SV2B: variants seen among roughly 807,000 people sequenced by gnomAD.
SV2B encodes solute carrier family 22 member B2.
Under a neutral mutation model 73.9 loss-of-function variants are expected in SV2B, and 41 were observed. The ratio of observed to expected loss-of-function variants is 0.56; its 90% CI spans 0.43 to 0.72. The LOEUF is 0.72. SV2B is among the 30% of genes least tolerant of loss of function. SV2B has a pLI of 0.00. For synonymous variants in SV2B, 314 were observed against 314.2 expected (o/e 1.00, Z 0.01); for missense variants, 764 against 857.8 (o/e 0.89, Z 1.37).
chr15:91,117,396 G>C (rs1040783044), intron 1 of SV2B, among the ~76,000 whole-genome samples: 2 of 152,260 alleles, frequency 1.3e-5, no homozygotes, highest in Middle Eastern at 3.2e-3. Flanking sequence ...AGCTGCTACT[G>C]TATAGCAATA....
chr15:91,172,900 G>A (rs2157908), intron 1 of SV2B, among the ~76,000 whole-genome samples: 26,058 of 151,958 alleles, frequency 0.17, 2,707 homozygotes, highest in Non-Finnish European at 0.24. Flanking sequence ...CAAGTACACC[G>A]AGATGAGTAA....
intron 1 of SV2B, among the ~76,000 whole-genome samples, chr15:91,113,719 A>G (rs1409027101): frequency 6.6e-6 from 1 of 152,220 alleles, no homozygotes; most frequent in Non-Finnish European, 1.5e-5. Context: ...GGAATATATT[A>G]TAGAATCCCA....
chr15:91,142,811 A>G (rs7170234), intron 1 of SV2B, among the ~76,000 whole-genome samples: 48,882 of 152,210 alleles, frequency 0.32, 8,450 homozygotes, highest in Non-Finnish European at 0.38. Context: ...TCTACCATAG[A>G]GGACAGTAGG....
rs977171753 is a variant in SV2B, at chr15:91,258,022, A to G, written c.785-399A>G. On this transcript the variant is annotated intron_variant, in intron 4 of 12. Transcript: ENST00000394232. The surrounding 1 kb of genome is among the most constrained non-coding windows in gnomAD (Gnocchi z 4.7). ...GCTTGTTGCTTGTCAAGGCAGGCAA[A>G]TAGAATATGTTTCCTTTAACAATCT... 1.4e-4 allele frequency among the ~76,000 whole-genome samples: 22 copies of G among 152,208 alleles called. No homozygotes were observed. The highest frequency in any genetic ancestry group is 5.3e-4 in the African/African-American group (22 of 41,450).
At chr15:91,285,565 C>A (rs961737925) in intron 11 of SV2B, among the ~76,000 whole-genome samples, 3 of 152,220 alleles carry the variant, frequency 2.0e-5, no homozygotes, top group Non-Finnish European at 4.4e-5. Context: ...CAGGTGGCTC[C>A]GTCTCTGCCA....
rs2047868034 is a variant in SV2B, at chr15:91,260,418, G to A, written c.1008+9G>A. ...CAGAGAAAGTGTTCACGGTGAGTGT[G>A]GGGTTGCCTGCCAATAAGAAGGGGG... On this transcript the variant is annotated intron_variant, in intron 6 of 12. Coordinates refer to ENST00000394232, the MANE Select transcript of SV2B (RefSeq NM_001323032.3). 1 of 1,593,164 alleles carries A rather than the reference G, an allele frequency of 6.3e-7. No homozygotes were observed. Among genetic ancestry groups the A allele is most frequent in the Non-Finnish European group, 8.5e-7 (1 of 1,172,840 alleles).
At chr15:91,179,490 G>A (rs1165770243) in intron 1 of SV2B, among the ~76,000 whole-genome samples, 1 of 152,020 alleles carries the variant, frequency 6.6e-6, no homozygotes, top group Non-Finnish European at 1.5e-5. Flanking sequence ...GTTGACAGTG[G>A]GCTGTTAAAG....
intron 1 of SV2B, among the ~76,000 whole-genome samples, chr15:91,166,818 CTTTT>C (rs758428764): frequency 7.2e-6 from 1 of 139,146 alleles, no homozygotes. Context: ...GTTTTCTTTT[CTTTT>C]TTTTTTTTTG....
chr15:91,155,321 A>T (rs981349336), intron 1 of SV2B, among the ~76,000 whole-genome samples: 13 of 152,210 alleles, frequency 8.5e-5, no homozygotes, highest in African/African-American at 2.9e-4. Flanking sequence ...TATGCCAGTG[A>T]GTATTAACTG....
chr15:91,196,111 A>G (rs2045236521), intron 1 of SV2B, among the ~76,000 whole-genome samples: 1 of 152,246 alleles, frequency 6.6e-6, no homozygotes, highest in African/African-American at 2.4e-5. Context: ...AAATAAATCA[A>G]TAGCTCACAC....
intron 1 of SV2B, among the ~76,000 whole-genome samples, chr15:91,150,557 T>G (rs2043283958): frequency 6.6e-6 from 1 of 152,256 alleles, no homozygotes; most frequent in South Asian, 2.1e-4. Flanking sequence ...TGGATTTGTT[T>G]GTGAATGCCC....
rs1457367451 is a variant in SV2B at position 91,122,928 on chromosome 15, G to T, written c.-392+22565G>T. Among the ~76,000 whole-genome samples, 2 of 152,256 alleles carry T rather than the reference G, an allele frequency of 1.3e-5. No homozygotes were observed. Among genetic ancestry groups the T allele is most frequent in the Non-Finnish European group, 2.9e-5 (2 of 68,022 alleles). On this transcript the variant is annotated intron_variant, in intron 1 of 12. Transcript: ENST00000394232. This position sits in a 1 kb window ranked among gnomAD's most constrained non-coding sequence, Gnocchi z 4.3. Reference sequence around the variant, plus strand: ...TTGACAGGATTAATAAATTCAAGAGGTCTATTCTACAACCTGGTAGCTATA... The same window carrying T: ...TTGACAGGATTAATAAATTCAAGAGTTCTATTCTACAACCTGGTAGCTATA...
Position 91,281,862 on chromosome 15 carries a change from G to T in SV2B, c.1507+1G>T. ...GAATCAACCATCTTTTACAACACAG[G>T]TAGGTAAGAACATTGACAGATTGAA... On this transcript the variant is annotated splice_donor_variant, in intron 10 of 12. Transcript: ENST00000394232. LOFTEE classifies it high-confidence loss of function. The surrounding 1 kb of genome is among the most constrained non-coding windows in gnomAD (Gnocchi z 4.7). The T allele has an allele frequency of 6.2e-7, 1 of 1,608,244 alleles. No individual in the cohort carries two copies. Among genetic ancestry groups the T allele is most frequent in the Non-Finnish European group, 8.5e-7 (1 of 1,176,790 alleles).
At chr15:91,125,781 C>CAAAAAAAA (rs200016125) in intron 1 of SV2B, among the ~76,000 whole-genome samples, 751 of 56,954 alleles carry the variant, frequency 0.013, 27 homozygotes, top group African/African-American at 0.046. Context: ...TCTCAAGGGG[C>CAAAAAAAA]AAAAAAAAAA....
intron 4 of SV2B, among the ~76,000 whole-genome samples, chr15:91,255,984 G>T: frequency 6.6e-6 from 1 of 152,146 alleles, no homozygotes. Flanking sequence ...AATTGATTTT[G>T]CAAGAATGAA....
chr15:91,125,781 C>CAAAAAAAGAAAAAAAAA (rs2042461106), intron 1 of SV2B, among the ~76,000 whole-genome samples: 1 of 57,118 alleles, frequency 1.8e-5, no homozygotes, highest in Non-Finnish European at 3.5e-5. Context: ...TCTCAAGGGG[C>CAAAAAAAGAAAAAAAAA]AAAAAAAAAA....
At chr15:91,144,020 C>A (rs780130029) in intron 1 of SV2B, among the ~76,000 whole-genome samples, 13 of 152,206 alleles carry the variant, frequency 8.5e-5, no homozygotes, top group Non-Finnish European at 1.8e-4. Flanking sequence ...GATTCTGTTT[C>A]ATTCTTGGAG....
rs2043592627 is a variant in SV2B at position 91,158,702 on chromosome 15, T to TTC, written c.-392+58339_-392+58340insTC. Among the ~76,000 whole-genome samples the TTC allele has an allele frequency of 4.1e-3, 241 of 59,210 alleles. 2 individuals are homozygous for TTC. The highest frequency in any genetic ancestry group is 7.3e-3 in the South Asian group (12 of 1,636). The allele number at this position is 59,210 out of a possible 152,430, so 38.8% of individuals were successfully genotyped here. ...TTCTCTTCTCTTCTCTTCTCTTCTC[T>TTC]CCTCTCCTCTCCTCTCCTCTCCTCT... On this transcript the variant is annotated intron_variant, in intron 1 of 12. Transcript: ENST00000394232.
At chr15:91,218,668 A>G (rs2046114853) in intron 1 of SV2B, among the ~76,000 whole-genome samples, 1 of 152,130 alleles carries the variant, frequency 6.6e-6, no homozygotes, top group African/African-American at 2.4e-5. Flanking sequence ...ATTCCTGCCA[A>G]ATAGTTCCAG....
Sources: allele counts gnomAD v4.1 joint callset (sites outside exome capture counted in the v4.1 genomes callset), GRCh38; gene constraint gnomAD v4.1.1; non-coding constraint Gnocchi (gnomAD v3.1); transcripts MANE v1.5; gene names NCBI Gene and HGNC (gene_info 2026-07-23, HGNC 2026-07-21).